Variants in CAP2 observed in about 807,000 individuals in gnomAD.
CAP2 encodes cyclase associated actin cytoskeleton regulatory protein 2, also known as adenylyl cyclase-associated protein 2.
Under a neutral mutation model 57.7 loss-of-function variants are expected in CAP2, and 24 were observed. The ratio of observed to expected loss-of-function variants is 0.42; its 90% CI spans 0.30 to 0.58. CAP2 has a LOEUF of 0.58. Among genes scored for constraint, CAP2 ranks in the 20% least tolerant of loss-of-function variants. The pLI is 0.22. For missense variants in CAP2, 501 were observed against 590.3 expected (o/e 0.85, Z 1.57); for synonymous variants, 194 against 207.2 (o/e 0.94, Z 0.55).
intron 11 of CAP2, among the ~76,000 whole-genome samples, chr6:17,543,928 C>A (rs557897590): frequency 6.6e-6 from 1 of 152,084 alleles, no homozygotes; most frequent in African/African-American, 2.4e-5. Context: ...AGTTTGAGAC[C>A]AGCCTAGCTA....
chr6:17,550,072 C>A (rs949317571), intron 11 of CAP2, among the ~76,000 whole-genome samples: 18 of 152,176 alleles, frequency 1.2e-4, no homozygotes, highest in African/African-American at 4.1e-4. Flanking sequence ...ACTCGTATAG[C>A]AGCTAAAATG....
chr6:17,406,101 C>G (rs1303384391), intron 1 of CAP2, among the ~76,000 whole-genome samples: 2 of 152,112 alleles, frequency 1.3e-5, no homozygotes, highest in Non-Finnish European at 2.9e-5. Flanking sequence ...CACACATACA[C>G]AGTTCAGGGA....
intron 1 of CAP2, among the ~76,000 whole-genome samples, chr6:17,402,794 A>C (rs1288282418): frequency 6.6e-6 from 1 of 152,222 alleles, no homozygotes; most frequent in East Asian, 1.9e-4. Context: ...AACTTAACTT[A>C]TATCTCTACA....
intron 7 of CAP2, among the ~76,000 whole-genome samples, chr6:17,518,900 A>C (rs2113672943): frequency 6.6e-6 from 1 of 152,258 alleles, no homozygotes; most frequent in Non-Finnish European, 1.5e-5. Context: ...GGCCTCAGAA[A>C]GTGCTGGGAT....
intron 4 of CAP2, among the ~76,000 whole-genome samples, chr6:17,502,849 A>G (rs77733056): frequency 6.6e-6 from 1 of 152,306 alleles, no homozygotes; most frequent in Non-Finnish European, 1.5e-5. Context: ...GAAAATTAGG[A>G]AGCTTTTTTT....
intron 7 of CAP2, among the ~76,000 whole-genome samples, chr6:17,527,627 T>C (rs1209758077): frequency 2.8e-5 from 4 of 145,146 alleles, no homozygotes; most frequent in Admixed American, 1.4e-4. Flanking sequence ...GACAAAGTCT[T>C]GCTCTGTCGC....
intron 4 of CAP2, among the ~76,000 whole-genome samples, chr6:17,475,007 C>T (rs1379921918): frequency 6.6e-6 from 1 of 151,912 alleles, no homozygotes; most frequent in African/African-American, 2.4e-5. Context: ...CCAGCCTGAC[C>T]AACATAGTGA....
intron 7 of CAP2, among the ~76,000 whole-genome samples, chr6:17,538,975 C>A (rs887428823): frequency 1.3e-5 from 2 of 152,206 alleles, no homozygotes; most frequent in African/African-American, 4.8e-5. Context: ...GAGCCTTGGA[C>A]CTGGACTTGG....
intron 1 of CAP2, among the ~76,000 whole-genome samples, chr6:17,396,148 A>T (rs1758658213): frequency 6.6e-6 from 1 of 152,206 alleles, no homozygotes; most frequent in Non-Finnish European, 1.5e-5. Context: ...AAAGTCAGAT[A>T]ATAACAAATA....
intron 4 of CAP2, among the ~76,000 whole-genome samples, chr6:17,504,405 T>C (rs1403565343): frequency 3.9e-5 from 6 of 152,220 alleles, no homozygotes; most frequent in South Asian, 2.1e-4. Flanking sequence ...AGAAGTCTCA[T>C]TCTAGAACCT....
rs552418012 is a variant in CAP2, at chr6:17,405,825, C to T, written c.-2+12079C>T. On this transcript the variant is annotated intron_variant, in intron 1 of 12. Coordinates refer to ENST00000229922, the MANE Select transcript of CAP2 (RefSeq NM_006366.3). ...ACACAATCTTGGCTCGCTACAGCCT[C>T]GACCTCCTGGGCTCAAGTGATCCTC... is the stretch of plus-strand genomic sequence containing the variant. Among the ~76,000 whole-genome samples, 35 of 152,286 alleles carry T rather than the reference C, an allele frequency of 2.3e-4. No homozygotes were observed. In the South Asian group the frequency reaches 5.4e-3, roughly 23 times the overall value.
intron 3 of CAP2, among the ~76,000 whole-genome samples, chr6:17,458,389 G>T (rs1760632022): frequency 2.0e-5 from 3 of 152,138 alleles, no homozygotes; most frequent in Admixed American, 6.6e-5. Flanking sequence ...TTGAATTTGT[G>T]ATTTTAAATG....
intron 7 of CAP2, among the ~76,000 whole-genome samples, chr6:17,533,277 G>A (rs1042088057): frequency 2.0e-5 from 3 of 151,806 alleles, no homozygotes; most frequent in African/African-American, 7.3e-5. Context: ...TCCACACACT[G>A]CATATTGGTT....
At position 17,393,999 on chromosome 6, in the gene CAP2, C is replaced by T. The variant is rs368182478; in HGVS notation, c.-2+253C>T. On this transcript the variant is annotated intron_variant, in intron 1 of 12. Transcript: ENST00000229922. ...TGGGTCAGCGGAGCGGCGCGCCCTG[C>T]CCCCGCCTCCCCAGCTCCGGCGTCC... Among the ~76,000 whole-genome samples the T allele has an allele frequency of 4.3e-3, 641 of 147,966 alleles. 7 individuals carry two copies. The highest frequency in any genetic ancestry group is 0.033 in the East Asian group (168 of 5,052).
intron 1 of CAP2, among the ~76,000 whole-genome samples, chr6:17,404,376 C>T (rs562036773): frequency 8.5e-5 from 13 of 152,166 alleles, no homozygotes; most frequent in South Asian, 2.1e-4. Context: ...GAGGCCAAGG[C>T]GGGCAGATCA....
intron 11 of CAP2, among the ~76,000 whole-genome samples, chr6:17,548,082 T>C (rs1763093562): frequency 1.3e-5 from 2 of 151,276 alleles, no homozygotes; most frequent in South Asian, 2.1e-4. Flanking sequence ...GAAAATGCAA[T>C]AGAGGCCGAG....
At chr6:17,448,472 C>G (rs1206222161) in intron 3 of CAP2, among the ~76,000 whole-genome samples, 3 of 152,184 alleles carry the variant, frequency 2.0e-5, no homozygotes, top group African/African-American at 4.8e-5. Context: ...AAACTTCTAA[C>G]AATATTCATG....
At chr6:17,448,026 A>G (rs1760305571) in intron 3 of CAP2, among the ~76,000 whole-genome samples, 1 of 152,220 alleles carries the variant, frequency 6.6e-6, no homozygotes, top group Non-Finnish European at 1.5e-5. Context: ...GCCCTTCTAT[A>G]TAGGCACCTA....
intron 7 of CAP2, chr6:17,536,245 A>C (rs1762770957): frequency 2.2e-6 from 1 of 456,668 alleles, no homozygotes; most frequent in Non-Finnish European, 4.4e-6. Flanking sequence ...CAGAATGAGA[A>C]GAGACGGAGG....
Sources: gnomAD v4.1 joint callset for allele counts (sites outside exome capture counted in the v4.1 genomes callset) on GRCh38, gnomAD v4.1.1 for gene constraint, MANE v1.5 for transcripts, NCBI Gene and HGNC (gene_info 2026-07-23, HGNC 2026-07-21) for gene names.